The following THBS4 variants were observed in gnomAD, a reference collection of about 807,000 sequenced individuals.
THBS4 encodes the protein thrombospondin-4.
A neutral mutation model predicts 115.7 loss-of-function variants in THBS4; 90 were observed. The ratio of observed to expected loss-of-function variants is 0.78; its 90% confidence interval spans 0.66 to 0.93. The LOEUF (loss-of-function observed/expected upper bound fraction) is 0.93, where lower values mean the gene tolerates loss of function less well. Among genes scored for constraint, THBS4 ranks in the 40% least tolerant of loss-of-function variants. The probability of loss-of-function intolerance (pLI) is 0.00; values close to 1 mark genes in which losing one functional copy is unlikely to be tolerated. For missense variants in THBS4, 1,087 were observed against 1,232.7 expected, an observed-to-expected ratio of 0.88 and a Z score of 1.77; for synonymous variants, 460 against 479.3, an observed-to-expected ratio of 0.96 and a Z score of 0.53.
intron 2 of THBS4, among the ~76,000 whole-genome samples, chr5:80,053,531 G>A (rs941519943): frequency 1.3e-5 from 2 of 151,762 alleles, no homozygotes; most frequent in Non-Finnish European, 2.9e-5. Context: ...AGGTTCTGAT[G>A]CATGTGACTA....
intron 2 of THBS4, among the ~76,000 whole-genome samples, chr5:80,044,788 A>G (rs548404674): frequency 2.0e-5 from 3 of 152,162 alleles, no homozygotes; most frequent in South Asian, 2.1e-4. Context: ...ATGTAAGAGG[A>G]TACAGGTAGT....
intron 2 of THBS4, among the ~76,000 whole-genome samples, chr5:79,998,588 C>G (rs937440394): frequency 1.2e-4 from 19 of 152,184 alleles, no homozygotes; most frequent in African/African-American, 4.1e-4. Flanking sequence ...TGAATGAACT[C>G]TGTGGTTTGT....
In THBS4 at chr5:80,071,041, T is replaced by C. The variant is rs546897436; in HGVS notation, c.1581T>C (p.His527=). The change falls in exon 13 of 22, where the codon CAT becomes CAC. Residue 527 remains histidine (H), a synonymous_variant. Transcript: ENST00000350881. ...TTTAGGATAACTGTGTCCTGATTCA[T>C]AATGTGGACCAAAGGAACAGCGATA... ...LNEQDNCVLI[H]NVDQRNSDKD... 1 of 1,613,298 alleles carries C rather than the reference T, an allele frequency of 6.2e-7. No individual in the cohort carries two copies. Among genetic ancestry groups the C allele is most frequent in the East Asian group, 2.2e-5 (1 of 44,868 alleles).
At chr5:80,003,081 G>A (rs1392186637) in intron 2 of THBS4, among the ~76,000 whole-genome samples, 1 of 152,114 alleles carries the variant, frequency 6.6e-6, no homozygotes, top group Non-Finnish European at 1.5e-5. Context: ...TGGGTGGCAA[G>A]TAGAATATTG....
chr5:80,012,566 T>C (rs1832148646), intron 2 of THBS4, among the ~76,000 whole-genome samples: 1 of 152,120 alleles, frequency 6.6e-6, no homozygotes, highest in South Asian at 2.1e-4. Flanking sequence ...CAGAGGCAAA[T>C]TTCAACTAGA....
chr5:80,059,764 G>A lies in THBS4; in HGVS notation c.846G>A (p.Pro282=), dbSNP rs752685777. The change falls in exon 7 of 22, where the codon CCG becomes CCA. Residue 282 remains proline, a synonymous_variant. Transcript: ENST00000350881. ...TGGTGCCCCCGGCTCCCCCTGCACC[G>A]CCAACACGCCCACCTCGTCGGTGTG... The part of the protein sequence containing the change: ...STVVPPAPPA[P]PTRPPRRCDS... 7.4e-5 allele frequency: 120 copies of A among 1,613,996 alleles called. No homozygotes were observed. Among genetic ancestry groups the A allele is most frequent in the Non-Finnish European group, 9.1e-5 (107 of 1,180,024 alleles).
At chr5:80,058,544 A>AT (rs3214681) in intron 4 of THBS4, among the ~76,000 whole-genome samples, 164 bp from the exon 5 acceptor site, 39,114 of 151,890 alleles carry the variant, frequency 0.26, 5,217 homozygotes, top group Middle Eastern at 0.38. Context: ...CATTATCATT[A>AT]TTTTTTTTAG....
chr5:80,025,534 C>T (rs888391832), intron 2 of THBS4, among the ~76,000 whole-genome samples: 7 of 152,098 alleles, frequency 4.6e-5, no homozygotes, highest in Admixed American at 3.3e-4. Flanking sequence ...AGTACCTGGC[C>T]CCACTGGAAA....
At chr5:80,034,659 ACGAATTAT>A (rs571250866), upstream of THBS4, among the ~76,000 whole-genome samples, 400 of 152,252 alleles carry the variant, frequency 2.6e-3, no homozygotes, top group Admixed American at 0.015. Context: ...CATACTGAAA[ACGAATTAT>A]CCATAAAGCA....
At position 80,080,750 on chromosome 5, in the gene THBS4, C is replaced by G. The variant is rs185079169; in HGVS notation, c.2684+673C>G. ...TACAGGCACGCGCCATCACGCCAGG[C>G]TAATTTTTGTATTTTTAGTAGAGAT... On this transcript the variant is annotated intron_variant, in intron 20 of 21. Transcript: ENST00000350881. Among the ~76,000 whole-genome samples the G allele has an allele frequency of 8.6e-5, 13 of 151,944 alleles. 1 individual carries two copies. Among genetic ancestry groups the G allele is most frequent in the Admixed American group, 2.6e-4 (4 of 15,268 alleles).
At chr5:80,019,291 G>A (rs1204671012) in intron 2 of THBS4, among the ~76,000 whole-genome samples, 4 of 152,058 alleles carry the variant, frequency 2.6e-5, no homozygotes, top group Admixed American at 6.5e-5. Flanking sequence ...ACACATGTAC[G>A]TACACCTTAA....
At chr5:80,019,592 A>T (rs1316444443) in intron 2 of THBS4, 3 of 152,690 alleles carry the variant, frequency 2.0e-5, no homozygotes, top group Non-Finnish European at 4.4e-5. Context: ...CAGACAAACA[A>T]AAAAAGCTGG....
At chr5:79,992,479 T>C (rs1481909116) in intron 1 of THBS4, among the ~76,000 whole-genome samples, 1 of 152,246 alleles carries the variant, frequency 6.6e-6, no homozygotes, top group Non-Finnish European at 1.5e-5. Flanking sequence ...AGTGCCAGCC[T>C]GCTAAAGTCT....
At chr5:80,060,060 G>A (rs547538871) in intron 7 of THBS4, among the ~76,000 whole-genome samples, 155 bp downstream of exon 7, 209 of 152,302 alleles carry the variant, frequency 1.4e-3, no homozygotes, top group Non-Finnish European at 2.5e-3. Context: ...GACAAGGGAT[G>A]GCGGAAGGAG....
At chr5:80,053,217 T>C (rs1580951250) in intron 2 of THBS4, 1 of 152,148 alleles carries the variant, frequency 6.6e-6, no homozygotes, top group East Asian at 1.9e-4. Flanking sequence ...CCTTTTTTTT[T>C]TACTTAACAA....
intron 20 of THBS4, 123 bp downstream of exon 20, chr5:80,080,200 C>A: frequency 1.7e-6 from 2 of 1,182,568 alleles, no homozygotes; most frequent in Non-Finnish European, 1.2e-6. Context: ...CATGCCAGGA[C>A]TTTTGTGACC....
At chr5:80,072,493 G>A (rs1834104112) in intron 14 of THBS4, 97 bp downstream of exon 14, 4 of 1,118,734 alleles carry the variant, frequency 3.6e-6, no homozygotes, top group African/African-American at 3.1e-5. Flanking sequence ...GAGCCTCTTA[G>A]CTGTTGCCAC....
intron 1 of THBS4, among the ~76,000 whole-genome samples, chr5:79,991,588 G>C (rs546970829): frequency 2.0e-4 from 30 of 152,212 alleles, no homozygotes; most frequent in African/African-American, 6.3e-4. Context: ...TTACAATGTC[G>C]GAGAGAAAGA....
At chr5:80,044,321 A>G (rs1056138674) in intron 2 of THBS4, among the ~76,000 whole-genome samples, 2 of 152,244 alleles carry the variant, frequency 1.3e-5, no homozygotes, top group African/African-American at 4.8e-5. Flanking sequence ...AAAAGAATAA[A>G]TGGAGGCTGA....
Sources: gnomAD v4.1 joint callset for allele counts (sites outside exome capture counted in the v4.1 genomes callset) on GRCh38, gnomAD v4.1.1 for gene constraint, MANE v1.5 for transcripts, NCBI Gene and HGNC (gene_info 2026-07-23, HGNC 2026-07-21) for gene names.